Variants in ERCC6 observed in about 807,000 individuals in gnomAD.
The protein encoded by ERCC6 is DNA excision repair protein ERCC-6.
A neutral mutation model predicts 158.7 loss-of-function variants in ERCC6; 116 were observed. The ratio of observed to expected loss-of-function variants is 0.73; its 90% CI spans 0.63 to 0.85. The LOEUF (loss-of-function observed/expected upper bound fraction) is 0.85, where lower values mean the gene tolerates loss of function less well. Ranked by LOEUF, ERCC6 falls within the 40% of genes least tolerant of loss-of-function variation. The pLI is 0.00. For missense variants in ERCC6, 1,698 were observed against 1,799.4 expected (o/e 0.94, Z 1.02); for synonymous variants, 678 against 659.3 (o/e 1.03, Z -0.43).
intron 5 of ERCC6, among the ~76,000 whole-genome samples, chr10:49,507,106 T>TG (rs1291892198): frequency 3.3e-5 from 5 of 152,260 alleles, no homozygotes; most frequent in Admixed American, 3.3e-4. Flanking sequence ...GCCAAAGGTA[T>TG]GGTGTGTTGT....
rs115580386 is a variant in ERCC6, at chr10:49,475,394, C to T, written c.2382+821G>A. 1.1e-3 allele frequency: 506 copies of T among 446,478 alleles called. 1 individual carries two copies. Among genetic ancestry groups the T allele is most frequent in the African/African-American group, 9.7e-3 (484 of 50,030 alleles). 27.7% of individuals were successfully genotyped at this position (446,478 alleles called of 1,614,324 possible). On this transcript the variant is annotated intron_variant, in intron 12 of 20. Transcript: ENST00000355832. ...ACAATTCCAAGTGTAGTTTGCATTCCCTTTCCTGGATAGTGTGATCTAGAC... is the reference window on the plus strand; with the variant it reads ...ACAATTCCAAGTGTAGTTTGCATTCTCTTTCCTGGATAGTGTGATCTAGAC...
the ERCC6 span, among the ~76,000 whole-genome samples, chr10:49,440,448 G>T: frequency 6.6e-6 from 1 of 152,064 alleles, no homozygotes; most frequent in South Asian, 2.1e-4. Context: ...GGAAATTCTG[G>T]GATCTACAAT....
At chr10:49,493,383 T>A in intron 7 of ERCC6, 131 bp from the exon 8 acceptor site, 1 of 1,151,470 alleles carries the variant, frequency 8.7e-7, no homozygotes, top group Non-Finnish European at 1.2e-6. Flanking sequence ...GGAAATTTAT[T>A]GATATTTTCT....
intron 16 of ERCC6, 92 bp from the exon 17 acceptor site, chr10:49,471,212 A>G (rs1047568619): frequency 6.2e-6 from 8 of 1,288,248 alleles, no homozygotes; most frequent in African/African-American, 2.9e-5. Context: ...AGATGATAAC[A>G]GCTGCTGCAT....
chr10:49,489,683 A>G (rs1418496749), intron 8 of ERCC6, among the ~76,000 whole-genome samples: 1 of 152,244 alleles, frequency 6.6e-6, no homozygotes, highest in Non-Finnish European at 1.5e-5. Context: ...AAGGTAGGAG[A>G]GAGACAACTG....
At chr10:49,534,235 T>TACAGACAAG (rs1210075844) in intron 1 of ERCC6, among the ~76,000 whole-genome samples, 1 of 148,246 alleles carries the variant, frequency 6.7e-6, no homozygotes, top group Non-Finnish European at 1.5e-5. Flanking sequence ...GATAGATAAA[T>TACAGACAAG]CCAATACAGA....
At chr10:49,516,885 T>A in intron 5 of ERCC6, 2 of 1,614,120 alleles carry the variant, frequency 1.2e-6, no homozygotes, top group Non-Finnish European at 1.7e-6. Context: ...GTATGAGGGA[T>A]CATCTGAGTC....
At chr10:49,465,251 G>C (rs926298147) in intron 18 of ERCC6, among the ~76,000 whole-genome samples, 5 of 152,350 alleles carry the variant, frequency 3.3e-5, no homozygotes, top group African/African-American at 9.6e-5. Context: ...CTGGACTTCA[G>C]ACTTGTGTGG....
At chr10:49,461,757 ACCT>A (rs1185527443) in intron 18 of ERCC6, among the ~76,000 whole-genome samples, 3 of 152,190 alleles carry the variant, frequency 2.0e-5, no homozygotes, top group Non-Finnish European at 2.9e-5. Flanking sequence ...GAAACCTATA[ACCT>A]TCCTATTTAC....
chr10:49,447,198 T>C, the ERCC6 span, among the ~76,000 whole-genome samples: 7 of 152,282 alleles, frequency 4.6e-5, no homozygotes, highest in Admixed American at 2.6e-4. Context: ...GAACAACTTT[T>C]AAAACAGACA....
intron 5 of ERCC6, chr10:49,515,419 C>T: frequency 6.2e-7 from 1 of 1,614,188 alleles, no homozygotes; most frequent in Non-Finnish European, 8.5e-7. Context: ...TTATGACATT[C>T]AGCGCATCGC....
chr10:49,513,157 G>A (rs146226805), intron 5 of ERCC6, among the ~76,000 whole-genome samples: 40 of 152,270 alleles, frequency 2.6e-4, no homozygotes, highest in African/African-American at 9.1e-4. Context: ...CATGAAGAAG[G>A]TACTGCTGTG....
intron 5 of ERCC6, among the ~76,000 whole-genome samples, chr10:49,520,171 C>T (rs1460524867): frequency 6.6e-6 from 1 of 152,218 alleles, no homozygotes; most frequent in Non-Finnish European, 1.5e-5. Context: ...CCATCCCTAG[C>T]TCCCAAACCT....
chr10:49,511,816 A>C (rs1305977783), intron 5 of ERCC6, among the ~76,000 whole-genome samples: 1 of 152,170 alleles, frequency 6.6e-6, no homozygotes, highest in Non-Finnish European at 1.5e-5. Context: ...ATTTAAGATA[A>C]CCACAGAGAA....
chr10:49,537,768 T>G (rs944067493), intron 1 of ERCC6, among the ~76,000 whole-genome samples: 2 of 151,616 alleles, frequency 1.3e-5, no homozygotes, highest in African/African-American at 2.4e-5. Context: ...CAGGCTGGAG[T>G]GCAACCTCCG....
the ERCC6 span, among the ~76,000 whole-genome samples, chr10:49,435,827 C>T: frequency 9.9e-5 from 15 of 151,878 alleles, no homozygotes; most frequent in East Asian, 1.7e-3. Context: ...GGTGAAACCT[C>T]GTCTCTACTA....
At chr10:49,472,532 A>G in intron 15 of ERCC6, 62 bp from the exon 16 acceptor site, 1 of 1,548,412 alleles carries the variant, frequency 6.5e-7, no homozygotes, top group African/African-American at 1.4e-5. Context: ...CACTGACTAT[A>G]AGAAACAAAG....
chr10:49,526,562 T>G (rs916568966), intron 4 of ERCC6, among the ~76,000 whole-genome samples: 1 of 152,200 alleles, frequency 6.6e-6, no homozygotes, highest in Non-Finnish European at 1.5e-5. Context: ...CAGAAGTTCT[T>G]GGTTTTATAT....
At chr10:49,498,250 A>G (rs953225568) in intron 7 of ERCC6, among the ~76,000 whole-genome samples, 8 of 152,222 alleles carry the variant, frequency 5.3e-5, no homozygotes, top group Non-Finnish European at 1.0e-4. Context: ...TTCAATGTTC[A>G]TGGTCCTTAA....
Sources: allele counts gnomAD v4.1 joint callset (sites outside exome capture counted in the v4.1 genomes callset), GRCh38; gene constraint gnomAD v4.1.1; transcripts MANE v1.5; gene names NCBI Gene and HGNC (gene_info 2026-07-23, HGNC 2026-07-21).